ZBED4: variants seen among roughly 807,000 people sequenced by gnomAD.
The protein encoded by ZBED4 is zinc finger BED domain-containing protein 4.
Under a neutral mutation model 15.5 loss-of-function variants are expected in ZBED4, and 4 were observed. The ratio of observed to expected loss-of-function variants is 0.26; its 90% confidence interval spans 0.13 to 0.59. ZBED4 has a LOEUF of 0.59. Among genes scored for constraint, ZBED4 ranks in the 20% least tolerant of loss-of-function variants. The pLI is 0.90. For missense variants in ZBED4, 1,323 were observed against 1,461.8 expected (o/e 0.91, Z 1.55); for synonymous variants, 692 against 608.5 (o/e 1.14, Z -2.02).
In ZBED4 at chr22:49,883,874, C is replaced by T. The variant is rs139292983; in HGVS notation, c.212C>T (p.Pro71Leu). 2.0e-4 allele frequency: 319 copies of T among 1,605,866 alleles called. No individual in the cohort carries two copies. The highest frequency in any genetic ancestry group is 5.2e-4 in the Admixed American group (31 of 59,404). Reference sequence around the variant, plus strand: ...GGGACGGGTTGCAGCTGCAAGCCCCCGGGGAAGTACTTGTCTGCAGAGAGT... The same window carrying T: ...GGGACGGGTTGCAGCTGCAAGCCCCTGGGGAAGTACTTGTCTGCAGAGAGT... ...LGGTGCSCKP[P>L]GKYLSAESED... The change falls in exon 2 of 2, where the codon CCG becomes CTG. Residue 71 changes from proline to leucine, a missense_variant. Coordinates refer to ENST00000216268, the MANE Select transcript of ZBED4 (RefSeq NM_014838.3).
At chr22:49,871,077 A>C (rs756447980) in intron 1 of ZBED4, among the ~76,000 whole-genome samples, 7 of 148,848 alleles carry the variant, frequency 4.7e-5, no homozygotes, top group Non-Finnish European at 1.0e-4. Flanking sequence ...AGCAGCTGGG[A>C]TTACAGGTGT....
intron 1 of ZBED4, among the ~76,000 whole-genome samples, chr22:49,881,085 C>G (rs1047963520): frequency 6.6e-6 from 1 of 152,236 alleles, no homozygotes; most frequent in Non-Finnish European, 1.5e-5. Context: ...GTGGCTCAGG[C>G]CTGTAAACCC....
chr22:49,886,295 C>T lies in ZBED4; in HGVS notation c.2633C>T (p.Ala878Val), dbSNP rs149827008. Residue 878 changes from alanine to valine, a missense_variant, in exon 2 of 2, where the codon GCG (alanine) becomes GTG (valine). Physicochemically the swap from Ala to Val is moderately conservative, Grantham distance 64. Transcript: ENST00000216268. The surrounding 1 kb of genome is among the most constrained non-coding windows in gnomAD (Gnocchi z 7.7). ...EKLAELQREY[A>V]LPQHHLIQDV... The stretch of plus-strand genomic sequence containing the variant: ...CTGGCCGAGCTGCAGAGGGAGTACG[C>T]GCTGCCTCAGCATCACCTCATCCAG... The T allele has an allele frequency of 1.1e-4, 167 of 1,499,968 alleles. No individual in the cohort carries two copies. Among genetic ancestry groups the T allele is most frequent in the Admixed American group, 1.9e-4 (10 of 53,888 alleles). The allele number at this position is 1,499,968 out of a possible 1,614,324, so 92.9% of individuals were successfully genotyped here.
intron 1 of ZBED4, among the ~76,000 whole-genome samples, chr22:49,877,307 T>G (rs1182926458): frequency 1.3e-5 from 2 of 148,648 alleles, no homozygotes; most frequent in East Asian, 3.9e-4. Context: ...ATTTATTTAT[T>G]TTGAGATGGA....
At chr22:49,878,834 C>G (rs1386630292) in intron 1 of ZBED4, among the ~76,000 whole-genome samples, 1 of 151,980 alleles carries the variant, frequency 6.6e-6, no homozygotes, top group East Asian at 1.9e-4. Flanking sequence ...CTTGTCTCTA[C>G]TAAAAATAAA....
At chr22:49,859,470 T>C (rs1367385312) in intron 1 of ZBED4, among the ~76,000 whole-genome samples, 1 of 152,146 alleles carries the variant, frequency 6.6e-6, no homozygotes. Flanking sequence ...GTCCTGGGAA[T>C]GCATCCTTTC....
chr22:49,864,945 C>CGCT (rs202214167), intron 1 of ZBED4, among the ~76,000 whole-genome samples: 1 of 75,994 alleles, frequency 1.3e-5, no homozygotes, highest in Non-Finnish European at 2.2e-5. Context: ...AAGCCCCCCC[C>CGCT]CCCCCCCGTG....
At chr22:49,867,911 C>G (rs2060329394) in intron 1 of ZBED4, among the ~76,000 whole-genome samples, 1 of 152,226 alleles carries the variant, frequency 6.6e-6, no homozygotes, top group South Asian at 2.1e-4. Context: ...GGCAGAATCA[C>G]CTGACACAAA....
chr22:49,855,567 C>G (rs2060271787), intron 1 of ZBED4, among the ~76,000 whole-genome samples: 1 of 152,162 alleles, frequency 6.6e-6, no homozygotes, highest in East Asian at 1.9e-4. Flanking sequence ...TGAGAAGCAG[C>G]TTCTTTAGCG....
chr22:49,886,929 G>A lies in ZBED4; in HGVS notation c.3267G>A (p.Leu1089=). The part of the protein sequence containing the change: ...KLPEAMVLAY[L]EEEVLEHSCD... ...CTGAAGCCATGGTGCTTGCGTATCT[G>A]GAGGAGGAGGTGCTTGAACACAGCT... Residue 1089 remains leucine, a synonymous_variant, in exon 2 of 2, where the codon CTG becomes CTA. Coordinates refer to ENST00000216268, the MANE Select transcript of ZBED4 (RefSeq NM_014838.3). The surrounding 1 kb of genome is among the most constrained non-coding windows in gnomAD (Gnocchi z 7.7). 1.9e-6 allele frequency: 3 copies of A among 1,614,142 alleles called. No homozygotes were observed. The South Asian group carries it at 3.3e-5, about 18-fold the overall frequency.
chr22:49,881,274 A>T (rs925294433), intron 1 of ZBED4, among the ~76,000 whole-genome samples: 4 of 152,264 alleles, frequency 2.6e-5, no homozygotes, highest in African/African-American at 9.6e-5. Context: ...ACTTGAACCC[A>T]GGAAGCGGAG....
rs765489864 is a variant in ZBED4 at position 49,886,586 on chromosome 22, C to T, written c.2924C>T (p.Thr975Met). 5.8e-6 allele frequency: 9 copies of T among 1,556,076 alleles called. No individual in the cohort carries two copies. Among genetic ancestry groups the T allele is most frequent in the East Asian group, 2.3e-5 (1 of 44,382 alleles). ...NRKVEMLFEETMGIDTMLRSL... is the reference protein window; with the variant it reads ...NRKVEMLFEEMMGIDTMLRSL... Reference sequence around the variant, plus strand: ...AAGGTGGAGATGCTCTTCGAGGAGACGATGGGCATCGACACCATGCTGCGC... The same window carrying T: ...AAGGTGGAGATGCTCTTCGAGGAGATGATGGGCATCGACACCATGCTGCGC... The change falls in exon 2 of 2, where the codon ACG (threonine) becomes ATG (methionine). Residue 975 changes from threonine (T) to methionine (M), a missense_variant. Coordinates refer to ENST00000216268, the MANE Select transcript of ZBED4 (RefSeq NM_014838.3). The surrounding 1 kb of genome is among the most constrained non-coding windows in gnomAD (Gnocchi z 7.7).
chr22:49,884,404 G>C lies in ZBED4; in HGVS notation c.742G>C (p.Glu248Gln). 1 of 1,613,456 alleles carries C rather than the reference G, an allele frequency of 6.2e-7. No homozygotes were observed. The highest frequency in any genetic ancestry group is 1.7e-5 in the Admixed American group (1 of 59,890). ...GTCCGTTTCGGAGAAGTGCGGCAGA[G>C]AAGAAGCCCTGGTGGGGTCGTCTCC... is the stretch of plus-strand genomic sequence containing the variant. The part of the protein sequence containing the change: ...DMSVSEKCGR[E>Q]EALVGSSPHL... The change falls in exon 2 of 2, where the codon GAA becomes CAA. Residue 248 changes from glutamate to glutamine, a missense_variant. Around this residue, in one of 6 missense-constraint regions of ZBED4, gnomAD observed 380 missense variants for 413.7 expected, o/e 0.92. Coordinates refer to ENST00000216268, the MANE Select transcript of ZBED4 (RefSeq NM_014838.3).
rs993965137 is a variant in ZBED4 at position 49,884,428 on chromosome 22, C to A, written c.766C>A (p.Pro256Thr). 6.2e-7 allele frequency: 1 copy of A among 1,614,066 alleles called. No individual in the cohort carries two copies. Among genetic ancestry groups the A allele is most frequent in the Admixed American group, 1.7e-5 (1 of 60,014 alleles). ...AGAAGAAGCCCTGGTGGGGTCGTCT[C>A]CCCACCTCCCTGCTCTCCATTACGA... ...GREEALVGSS[P>T]HLPALHYDEP... The change falls in exon 2 of 2, where the codon CCC becomes ACC. Residue 256 changes from proline (P) to threonine (T), a missense_variant. Physicochemically the swap from Pro to Thr is conservative, Grantham distance 38. This residue lies in a region of ZBED4 where 380 missense variants were observed against 413.7 expected (regional missense o/e 0.92). Coordinates refer to ENST00000216268, the MANE Select transcript of ZBED4 (RefSeq NM_014838.3).
rs573347864 is a variant in ZBED4 at position 49,862,391 on chromosome 22, A to G, written c.-330+8402A>G. ...GTAGCTGGGACTACGGGCGTAAGCC[A>G]CTGCGCCCAGCCTAGTGTAGCTTTA... On this transcript the variant is annotated intron_variant, in intron 1 of 1. Transcript: ENST00000216268. Among the ~76,000 whole-genome samples, 7 of 152,404 alleles carry G rather than the reference A, an allele frequency of 4.6e-5. No individual in the cohort carries two copies. The South Asian group carries it at 1.4e-3, about 32-fold the overall frequency.
chr22:49,877,335 A>G (rs1313271649), intron 1 of ZBED4, among the ~76,000 whole-genome samples: 1 of 151,980 alleles, frequency 6.6e-6, no homozygotes, highest in African/African-American at 2.4e-5. Context: ...TCTGTCGCCC[A>G]GGCTGGAGTG....
chr22:49,853,084 G>A (rs1252194392), upstream of ZBED4: 1 of 152,312 alleles, frequency 6.6e-6, no homozygotes, highest in African/African-American at 2.4e-5. Context: ...AGAAAATGCC[G>A]AAAGCCGTGT....
At chr22:49,865,146 T>C (rs1262958224) in intron 1 of ZBED4, among the ~76,000 whole-genome samples, 1 of 152,052 alleles carries the variant, frequency 6.6e-6, no homozygotes, top group Non-Finnish European at 1.5e-5. Flanking sequence ...ACCCAGATGG[T>C]ATAACCTGTC....
At chr22:49,864,653 C>CA (rs2060311725) in intron 1 of ZBED4, among the ~76,000 whole-genome samples, 1 of 151,892 alleles carries the variant, frequency 6.6e-6, no homozygotes, top group Non-Finnish European at 1.5e-5. Context: ...CCCCTCTCTA[C>CA]AAAAAATGTT....
Sources: gnomAD v4.1 joint callset for allele counts (sites outside exome capture counted in the v4.1 genomes callset) on GRCh38, gnomAD v4.1.1 for gene constraint, gnomAD v4.1.1 regional missense constraint, Gnocchi (gnomAD v3.1) non-coding constraint, MANE v1.5 for transcripts, NCBI Gene and HGNC (gene_info 2026-07-23, HGNC 2026-07-21) for gene names.